Variants in GRXCR1 observed in about 807,000 individuals in gnomAD.
The protein encoded by GRXCR1 is glutaredoxin and cysteine rich domain containing 1.
GRXCR1 carries 27 observed loss-of-function variants against 27.3 expected under a neutral mutation model. The ratio of observed to expected loss-of-function variants is 0.99; its 90% CI spans 0.73 to 1.37. The LOEUF (loss-of-function observed/expected upper bound fraction) is 1.37. Among genes scored for constraint, GRXCR1 ranks in the 40% most tolerant of loss-of-function variants. The probability of loss-of-function intolerance (pLI) is 0.00; values close to 1 mark genes in which losing one functional copy is unlikely to be tolerated. For synonymous variants in GRXCR1, 122 were observed against 131.1 expected, an observed-to-expected ratio of 0.93 and a Z score of 0.47; for missense variants, 379 against 354.4, an observed-to-expected ratio of 1.07 and a Z score of -0.56.
chr4:42,916,617 T>A (rs913558312), intron 1 of GRXCR1, among the ~76,000 whole-genome samples: 1 of 152,158 alleles, frequency 6.6e-6, no homozygotes, highest in Non-Finnish European at 1.5e-5. Context: ...TGCATTCTTC[T>A]GGGGGCATAA....
At chr4:42,908,379 A>G (rs996266389) in intron 1 of GRXCR1, among the ~76,000 whole-genome samples, 6 of 152,098 alleles carry the variant, frequency 3.9e-5, no homozygotes, top group South Asian at 2.1e-4. Context: ...CTGTGTAGCT[A>G]TCTCCTGCAT....
At chr4:43,025,231 A>G (rs943779867) in intron 3 of GRXCR1, among the ~76,000 whole-genome samples, 23 of 152,166 alleles carry the variant, frequency 1.5e-4, no homozygotes, top group African/African-American at 4.3e-4. Context: ...GACACAATAC[A>G]TTTCGTGTGC....
intron 2 of GRXCR1, among the ~76,000 whole-genome samples, chr4:42,981,850 G>A (rs187718112): frequency 1.3e-4 from 20 of 151,936 alleles, no homozygotes; most frequent in African/African-American, 3.6e-4. Flanking sequence ...TTTTGCTTTC[G>A]GGATCTTCTC....
chr4:42,940,503 A>G (rs1747593385), intron 1 of GRXCR1, among the ~76,000 whole-genome samples: 1 of 151,996 alleles, frequency 6.6e-6, no homozygotes, highest in Non-Finnish European at 1.5e-5. Flanking sequence ...TGGAGCTGAA[A>G]CAAAAAATGC....
chr4:42,973,482 T>C (rs1272321638), intron 2 of GRXCR1, among the ~76,000 whole-genome samples: 1 of 152,082 alleles, frequency 6.6e-6, no homozygotes, highest in African/African-American at 2.4e-5. Flanking sequence ...GTTTTTTTTT[T>C]CTTGACATTA....
At position 42,893,569 on chromosome 4, in the gene GRXCR1, C is replaced by T. The variant is rs774116472; in HGVS notation, c.303C>T (p.Ser101=). ...GTACAAGAAGAGTCAACATTTTAAG[C>T]AAAAATGGCACAGTCAGAGGCGTCA... ...GFGTRRVNIL[S]KNGTVRGVKY... is the part of the protein sequence containing the mutation. The change falls in exon 1 of 4, where the codon AGC becomes AGT. Residue 101 remains serine, a synonymous_variant. Coordinates refer to ENST00000399770, the MANE Select transcript of GRXCR1 (RefSeq NM_001080476.3). 1.2e-6 allele frequency: 2 copies of T among 1,613,538 alleles called. No individual in the cohort carries two copies. Among genetic ancestry groups the T allele is most frequent in the East Asian group, 2.2e-5 (1 of 44,850 alleles).
chr4:42,932,745 TTTG>T (rs1332230559), intron 1 of GRXCR1, among the ~76,000 whole-genome samples: 1 of 150,198 alleles, frequency 6.7e-6, no homozygotes, highest in East Asian at 2.0e-4. Flanking sequence ...TTACAGGTTA[TTTG>T]TTAAGAGAGA....
At chr4:42,920,480 G>C (rs1315220396) in intron 1 of GRXCR1, among the ~76,000 whole-genome samples, 1 of 152,106 alleles carries the variant, frequency 6.6e-6, no homozygotes, top group African/African-American at 2.4e-5. Context: ...GTGTCACACA[G>C]AAATAGCAAA....
At chr4:43,014,333 G>A (rs1181451524) in intron 2 of GRXCR1, among the ~76,000 whole-genome samples, 1 of 152,048 alleles carries the variant, frequency 6.6e-6, no homozygotes, top group East Asian at 1.9e-4. Context: ...GGGCTCAGGT[G>A]GCCCATCTCC....
intron 2 of GRXCR1, among the ~76,000 whole-genome samples, chr4:42,992,869 C>G (rs1172541179): frequency 2.0e-5 from 3 of 152,004 alleles, no homozygotes; most frequent in African/African-American, 7.2e-5. Flanking sequence ...TTTGTAGTTC[C>G]TTTAGTTTAC....
At chr4:42,993,334 G>C (rs986971927) in intron 2 of GRXCR1, among the ~76,000 whole-genome samples, 22 of 151,732 alleles carry the variant, frequency 1.4e-4, no homozygotes, top group African/African-American at 5.3e-4. Context: ...TCTCTGCCCC[G>C]AGCTGAAAAA....
chr4:42,979,599 GTTTA>G (rs926405133), intron 2 of GRXCR1, among the ~76,000 whole-genome samples: 2 of 151,912 alleles, frequency 1.3e-5, no homozygotes, highest in African/African-American at 4.8e-5. Context: ...TTGGCCTATA[GTTTA>G]TTTATTTATT....
At chr4:42,971,966 T>C (rs941209365) in intron 2 of GRXCR1, among the ~76,000 whole-genome samples, 5 of 152,100 alleles carry the variant, frequency 3.3e-5, no homozygotes, top group Non-Finnish European at 7.4e-5. Flanking sequence ...TTACACAATC[T>C]TGGCTTACTG....
intron 2 of GRXCR1, among the ~76,000 whole-genome samples, chr4:42,991,914 T>G (rs1448590660): frequency 6.6e-6 from 1 of 152,168 alleles, no homozygotes; most frequent in African/African-American, 2.4e-5. Flanking sequence ...CAAGTGTTGT[T>G]TTGAAAGTAT....
chr4:43,026,346 G>A (rs1302907905), intron 3 of GRXCR1, among the ~76,000 whole-genome samples: 4 of 152,120 alleles, frequency 2.6e-5, no homozygotes, highest in Non-Finnish European at 4.4e-5. Context: ...GACATGGCTA[G>A]GCATGACTAA....
At chr4:43,013,771 C>G (rs1712840845) in intron 2 of GRXCR1, among the ~76,000 whole-genome samples, 1 of 152,178 alleles carries the variant, frequency 6.6e-6, no homozygotes, top group African/African-American at 2.4e-5. Flanking sequence ...CCAACACTAC[C>G]TGTTTTCTAG....
At chr4:42,895,037 T>C (rs1746316551) in intron 1 of GRXCR1, among the ~76,000 whole-genome samples, 1 of 152,174 alleles carries the variant, frequency 6.6e-6, no homozygotes, top group Non-Finnish European at 1.5e-5. Context: ...GATTTGCATC[T>C]GTTTATTCAA....
intron 2 of GRXCR1, among the ~76,000 whole-genome samples, chr4:42,969,861 C>T (rs553654625): frequency 2.4e-4 from 36 of 152,218 alleles, no homozygotes; most frequent in Admixed American, 6.5e-4. Context: ...CCTGCATTAA[C>T]CCAAAAGTCT....
intron 2 of GRXCR1, among the ~76,000 whole-genome samples, chr4:42,994,995 A>G (rs1368547081): frequency 6.6e-6 from 1 of 152,162 alleles, no homozygotes; most frequent in Non-Finnish European, 1.5e-5. Context: ...ACATGCATAC[A>G]TATTTTTATG....
Sources: allele counts gnomAD v4.1 joint callset (sites outside exome capture counted in the v4.1 genomes callset), GRCh38; gene constraint gnomAD v4.1.1; transcripts MANE v1.5; gene names NCBI Gene and HGNC (gene_info 2026-07-23, HGNC 2026-07-21).